Variants in CASKIN1 observed in about 807,000 individuals in gnomAD.
The protein encoded by CASKIN1 is CASK interacting protein 1.
A neutral mutation model predicts 117.5 loss-of-function variants in CASKIN1; 42 were observed. The ratio of observed to expected loss-of-function variants is 0.36; its 90% CI spans 0.28 to 0.46. CASKIN1 has a LOEUF of 0.46. Ranked by LOEUF, CASKIN1 falls within the 20% of genes least tolerant of loss-of-function variation. CASKIN1 has a pLI of 1.00. For synonymous variants in CASKIN1, 1,148 were observed against 961.7 expected (o/e 1.19, Z -3.59); for missense variants, 2,083 against 2,077.3 (o/e 1.00, Z -0.05).
At position 2,179,377 on chromosome 16, in the gene CASKIN1, C is replaced by A. The variant is rs1368472860; in HGVS notation, c.3776-52G>T. The A allele has an allele frequency of 3.7e-6, 5 of 1,333,768 alleles. No individual in the cohort carries two copies. In the South Asian group the frequency reaches 1.1e-4, roughly 29 times the overall value. The allele number at this position is 1,333,768 out of a possible 1,614,324, so 82.6% of individuals were successfully genotyped here. ...AGCGGGCACGAGTTCCGCCGCCGCG[C>A]CCCCTGCCCCAGCCTCCCGCGGCTT... On this transcript the variant is annotated intron_variant, in intron 18 of 19. Coordinates refer to ENST00000343516, the MANE Select transcript of CASKIN1 (RefSeq NM_020764.4). This position sits in a 1 kb window ranked among gnomAD's most constrained non-coding sequence, Gnocchi z 5.8.
rs369309592 is a variant in CASKIN1, at chr16:2,178,634, C to T, written c.4212G>A (p.Ala1404=). ...CCAGGATGCTGCCAGTGCTCTTTTCCGCCGCCGAGTCGCTGCGGGGCGCGG... is the reference window on the plus strand; with the variant it reads ...CCAGGATGCTGCCAGTGCTCTTTTCTGCCGCCGAGTCGCTGCGGGGCGCGG... ...EDAQGPRDSA[A]EKSTGSILDD... is the part of the protein sequence containing the mutation. Residue 1404 remains alanine, a synonymous_variant, in exon 20 of 20, where the codon GCG becomes GCA. Transcript: ENST00000343516. The T allele has an allele frequency of 5.8e-5, 92 of 1,591,742 alleles. No individual in the cohort carries two copies. In the African/African-American group the frequency reaches 1.1e-3, roughly 19 times the overall value.
At position 2,182,493 on chromosome 16, in the gene CASKIN1, C is replaced by G. The variant is rs933196256; in HGVS notation, c.1630-564G>C. On this transcript the variant is annotated intron_variant, in intron 16 of 19. Coordinates refer to ENST00000343516, the MANE Select transcript of CASKIN1 (RefSeq NM_020764.4). The surrounding 1 kb of genome is among the most constrained non-coding windows in gnomAD (Gnocchi z 4.1). ...CCCGAGCGGCATTCAGGCGTCCACA[C>G]TTCCAGCTGGAATTCACTCATGCAA... Among the ~76,000 whole-genome samples the G allele has an allele frequency of 6.6e-6, 1 of 152,226 alleles. No individual in the cohort carries two copies. The highest frequency in any genetic ancestry group is 1.9e-4 in the East Asian group (1 of 5,172).
chr16:2,179,318 C>G lies in CASKIN1; in HGVS notation c.3783G>C (p.Lys1261Asn). The change falls in exon 19 of 20, where the codon AAG becomes AAC. Residue 1261 changes from lysine to asparagine, a missense_variant. By Grantham distance (94) the Lys-to-Asn change is moderately conservative. This residue lies in a region of CASKIN1 where 1,818 missense variants were observed against 1,688.9 expected (regional missense o/e 1.08). Transcript: ENST00000343516. The surrounding 1 kb of genome is among the most constrained non-coding windows in gnomAD (Gnocchi z 5.8). ...CGGGCGGTGGCGTGCCGTGGGCGCG[C>G]TTCACCTCTGCGGGGAGGACCACGC... ...PLPGPGSPEV[K>N]RAHGTPPPVS... is the part of the protein sequence containing the mutation. The G allele has an allele frequency of 8.0e-7, 1 of 1,249,112 alleles. No individual in the cohort carries two copies. Among genetic ancestry groups the G allele is most frequent in the Non-Finnish European group, 1.0e-6 (1 of 999,370 alleles). The allele number at this position is 1,249,112 out of a possible 1,614,324, so 77.4% of individuals were successfully genotyped here.
Position 2,179,460 on chromosome 16 carries a change from A to G in CASKIN1, c.3775+133T>C. ...CCTTGCCCCCAGCCCTGGATGGATG[A>G]GAGGGTCTGGGGACACGTTCCCACC... is the stretch of plus-strand genomic sequence containing the variant. On this transcript the variant is annotated intron_variant, in intron 18 of 19. Coordinates refer to ENST00000343516, the MANE Select transcript of CASKIN1 (RefSeq NM_020764.4). This position sits in a 1 kb window ranked among gnomAD's most constrained non-coding sequence, Gnocchi z 5.8. 7.2e-7 allele frequency: 1 copy of G among 1,382,262 alleles called. No individual in the cohort carries two copies. The highest frequency in any genetic ancestry group is 9.3e-7 in the Non-Finnish European group (1 of 1,072,384). The allele number at this position is 1,382,262 out of a possible 1,614,324, so 85.6% of individuals were successfully genotyped here.
At chr16:2,191,483 G>C (rs26831) in intron 1 of CASKIN1, among the ~76,000 whole-genome samples, 84,764 of 152,116 alleles carry the variant, frequency 0.56, 24,132 homozygotes, top group African/African-American at 0.67. Context: ...GCTGGAGCCG[G>C]GGGTGCTAAC....
Position 2,182,756 on chromosome 16 carries a change from G to A in CASKIN1, c.1630-827C>T, listed in dbSNP as rs1457110193. Among the ~76,000 whole-genome samples, 8 of 152,202 alleles carry A rather than the reference G, an allele frequency of 5.3e-5. No individual in the cohort carries two copies. The highest frequency in any genetic ancestry group is 1.0e-4 in the Non-Finnish European group (7 of 68,032). ...GCTAGGCCTGGGCCCACCTTCTTCA[G>A]GCCCGGAACCCATCCCACTGCACAG... is the stretch of plus-strand genomic sequence containing the variant. On this transcript the variant is annotated intron_variant, in intron 16 of 19. Transcript: ENST00000343516. The surrounding 1 kb of genome is among the most constrained non-coding windows in gnomAD (Gnocchi z 4.1).
Position 2,179,651 on chromosome 16 carries a change from G to T in CASKIN1, c.3717C>A (p.Leu1239=), listed in dbSNP as rs1455218425. 1.2e-5 allele frequency: 18 copies of T among 1,502,550 alleles called. No homozygotes were observed. The highest frequency in any genetic ancestry group is 1.6e-5 in the Non-Finnish European group (18 of 1,132,366). The allele number at this position is 1,502,550 out of a possible 1,614,324, so 93.1% of individuals were successfully genotyped here. A position where few individuals can be genotyped will look rare whatever the true frequency, so the allele number is the denominator to read the frequency against. The change falls in exon 18 of 20, where the codon CTC becomes CTA. Residue 1239 remains leucine (L), a synonymous_variant. Coordinates refer to ENST00000343516, the MANE Select transcript of CASKIN1 (RefSeq NM_020764.4). The surrounding 1 kb of genome is among the most constrained non-coding windows in gnomAD (Gnocchi z 5.8). The part of the protein sequence containing the change: ...KPVLTQPVPK[L]QGSPTPTSKK... ...TGGAGGTGGGTGTGGGCGAGCCCTGGAGCTTGGGCACAGGCTGCGTCAGGA... is the reference window on the plus strand; with the variant it reads ...TGGAGGTGGGTGTGGGCGAGCCCTGTAGCTTGGGCACAGGCTGCGTCAGGA...
Position 2,187,247 on chromosome 16 carries a change from T to G in CASKIN1, c.754A>C (p.Thr252Pro). 1 of 1,613,986 alleles carries G rather than the reference T, an allele frequency of 6.2e-7. No homozygotes were observed. The highest frequency in any genetic ancestry group is 2.2e-5 in the East Asian group (1 of 44,870). ...DSGINAHVRNTYSQTALDIVH... is the reference protein window; with the variant it reads ...DSGINAHVRNPYSQTALDIVH... ...ATGTCCAGGGCTGTCTGGCTGTAGG[T>G]GTTCCTCACGTGGGCATTGATCCCG... is the stretch of plus-strand genomic sequence containing the variant. The change falls in exon 8 of 20, where the codon ACC becomes CCC. Residue 252 changes from threonine (T) to proline (P), a missense_variant. By Grantham distance (38) the Thr-to-Pro change is conservative. This residue lies in a region of CASKIN1 where 203 missense variants were observed against 338.7 expected (regional missense o/e 0.60). Transcript: ENST00000343516.
At position 2,196,243 on chromosome 16, in the gene CASKIN1, A is replaced by C; in HGVS notation, c.94+96T>G. The C allele has an allele frequency of 8.9e-6, 3 of 338,058 alleles. No individual in the cohort carries two copies. Among genetic ancestry groups the C allele is most frequent in the Non-Finnish European group, 1.4e-5 (3 of 216,350 alleles). The allele number at this position is 338,058 out of a possible 1,614,324, so 20.9% of individuals were successfully genotyped here. ...GCCCCGCCCCGCCCCCGGGGACCCG[A>C]CAACGTCCCCTCCCCGCCCGGCGCC... On this transcript the variant is annotated intron_variant, in intron 1 of 19. Transcript: ENST00000343516. The surrounding 1 kb of genome is among the most constrained non-coding windows in gnomAD (Gnocchi z 5.7).
Position 2,185,047 on chromosome 16 carries a change from A to T in CASKIN1, c.1240-12T>A. ...ACCGTTGCCAGGAGCTGCAACCCAG[A>T]AACCCCGGCTTGTCACCTGCTCCCA... On this transcript the variant is annotated splice_polypyrimidine_tract_variant and intron_variant, in intron 12 of 19. Coordinates refer to ENST00000343516, the MANE Select transcript of CASKIN1 (RefSeq NM_020764.4). 6.2e-7 allele frequency: 1 copy of T among 1,607,448 alleles called. No homozygotes were observed. Among genetic ancestry groups the T allele is most frequent in the Non-Finnish European group, 8.5e-7 (1 of 1,175,886 alleles).
At chr16:2,193,880 A>G (rs1033428616) in intron 1 of CASKIN1, among the ~76,000 whole-genome samples, 21 of 152,238 alleles carry the variant, frequency 1.4e-4, no homozygotes, top group Non-Finnish European at 5.9e-5. Context: ...GGAAGGTCCC[A>G]GAACTGAGAA....
intron 14 of CASKIN1, 83 bp downstream of exon 14, chr16:2,184,694 C>A: frequency 8.1e-7 from 1 of 1,229,676 alleles, no homozygotes; most frequent in African/African-American, 1.5e-5. Flanking sequence ...CCAGGCCAGG[C>A]AGGCCGTGTA....
Position 2,180,415 on chromosome 16 carries a change from G to A in CASKIN1, c.2953C>T (p.Arg985Trp), listed in dbSNP as rs762820810. The change falls in exon 18 of 20, where the codon CGG (arginine) becomes TGG (tryptophan). Residue 985 changes from arginine to tryptophan, a missense_variant. Physicochemically the swap from Arg to Trp is moderately radical, Grantham distance 101 (BLOSUM62 -3). Around this residue, in one of 3 missense-constraint regions of CASKIN1, gnomAD observed 1,818 missense variants for 1,688.9 expected, o/e 1.08. Coordinates refer to ENST00000343516, the MANE Select transcript of CASKIN1 (RefSeq NM_020764.4). ...GLLGVRAQCRRASDLAGSVDT... is the reference protein window; with the variant it reads ...GLLGVRAQCRWASDLAGSVDT... ...ACGCTGCCGGCCAGGTCACTGGCCC[G>A]CCGGCACTGTGCCCGGACCCCCAGC... The A allele has an allele frequency of 1.2e-5, 19 of 1,574,432 alleles. No individual in the cohort carries two copies. Among genetic ancestry groups the A allele is most frequent in the South Asian group, 5.7e-5 (5 of 87,744 alleles).
chr16:2,177,723 C>T lies in CASKIN1; in HGVS notation c.*827G>A, dbSNP rs2093145668. ...CACGTGGCTGCCACGCTGACACACC[C>T]ACATTCACCAAACCCACCCGCGCCC... On this transcript the variant is annotated 3_prime_UTR_variant, in exon 20 of 20. Transcript: ENST00000343516. The T allele has an allele frequency of 4.1e-6, 1 of 242,962 alleles. No individual in the cohort carries two copies. Among genetic ancestry groups the T allele is most frequent in the African/African-American group, 2.2e-5 (1 of 45,264 alleles). The allele number at this position is 242,962 out of a possible 1,614,324, so 15.1% of individuals were successfully genotyped here.
At position 2,178,184 on chromosome 16, in the gene CASKIN1, G is replaced by A; in HGVS notation, c.*366C>T. On this transcript the variant is annotated 3_prime_UTR_variant, in exon 20 of 20. Transcript: ENST00000343516. ...CCCTGACCTTGGTCCCCTGTCCCTT[G>A]TGCTGCGCCCGAGCGGCTGGCCGGG... 1 of 459,168 alleles carries A rather than the reference G, an allele frequency of 2.2e-6. No homozygotes were observed. The allele number at this position is 459,168 out of a possible 1,614,324, so 28.4% of individuals were successfully genotyped here.
chr16:2,188,817 GGGA>G (rs2093192393), intron 6 of CASKIN1: 1 of 642,828 alleles, frequency 1.6e-6, no homozygotes, highest in Non-Finnish European at 2.6e-6. Flanking sequence ...CGGTGGGGCT[GGGA>G]CAGAGACGTC....
chr16:2,190,902 T>G (rs1489055650), intron 1 of CASKIN1, among the ~76,000 whole-genome samples: 2 of 152,172 alleles, frequency 1.3e-5, no homozygotes, highest in Non-Finnish European at 2.9e-5. Context: ...TGAGCAGAAG[T>G]GGGAGGCAGG....
At position 2,190,292 on chromosome 16, in the gene CASKIN1, C is replaced by A. The variant is rs780389010; in HGVS notation, c.146+15G>T. 7 of 1,576,228 alleles carry A rather than the reference C, an allele frequency of 4.4e-6. No homozygotes were observed. The highest frequency in any genetic ancestry group is 5.2e-6 in the Non-Finnish European group (6 of 1,160,458). On this transcript the variant is annotated intron_variant, in intron 2 of 19. Coordinates refer to ENST00000343516, the MANE Select transcript of CASKIN1 (RefSeq NM_020764.4). ...CCCTCCCTTCCAGGCAGGCACCACC[C>A]GGCTCAGAACTCACCCATCCGGGTC... is the stretch of plus-strand genomic sequence containing the variant.
intron 12 of CASKIN1, 32 bp from the exon 13 acceptor site, chr16:2,185,067 C>CTG: frequency 6.2e-7 from 1 of 1,607,142 alleles, no homozygotes; most frequent in Non-Finnish European, 8.5e-7. Context: ...TTGTCACCTG[C>CTG]TCCCAGCCCT....
Sources: allele counts gnomAD v4.1 joint callset (sites outside exome capture counted in the v4.1 genomes callset), GRCh38; gene constraint gnomAD v4.1.1; regional missense constraint gnomAD v4.1.1; non-coding constraint Gnocchi (gnomAD v3.1); transcripts MANE v1.5; gene names NCBI Gene and HGNC (gene_info 2026-07-23, HGNC 2026-07-21).